IQGAP2: variants seen among roughly 807,000 people sequenced by gnomAD.
IQGAP2 encodes the protein IQ motif containing GTPase activating protein 2.
Under a neutral mutation model 201.3 loss-of-function variants are expected in IQGAP2, and 173 were observed. That is an observed-to-expected ratio of 0.86 (90% CI 0.76 to 0.98). The LOEUF (loss-of-function observed/expected upper bound fraction) is 0.98. Ranked by LOEUF, IQGAP2 falls within the 50% of genes least tolerant of loss-of-function variation. The pLI is 0.00. For missense variants in IQGAP2, 1,687 were observed against 1,864.8 expected, an observed-to-expected ratio of 0.90 and a Z score of 1.76; for synonymous variants, 675 against 673.9, an observed-to-expected ratio of 1.00 and a Z score of -0.03.
chr5:76,680,200 T>C (rs1376068813), intron 28 of IQGAP2, among the ~76,000 whole-genome samples: 2 of 152,228 alleles, frequency 1.3e-5, no homozygotes, highest in African/African-American at 2.4e-5. Flanking sequence ...ATCACATTTA[T>C]GGTTAATTCA....
chr5:76,681,512 G>T lies in IQGAP2; in HGVS notation c.3661-1603G>T, dbSNP rs1745290263. ...AAGGAGATACCACTCACACCCAGTAGGATGATTAATATCAAAATTTAAAAA... is the reference window on the plus strand; with the variant it reads ...AAGGAGATACCACTCACACCCAGTATGATGATTAATATCAAAATTTAAAAA... On this transcript the variant is annotated intron_variant, in intron 28 of 35. Transcript: ENST00000274364. Among the ~76,000 whole-genome samples, 3 of 150,468 alleles carry T rather than the reference G, an allele frequency of 2.0e-5. No individual in the cohort carries two copies. In the South Asian group the frequency reaches 6.3e-4, roughly 31 times the overall value.
At chr5:76,680,454 C>CAT (rs1554085003) in intron 28 of IQGAP2, among the ~76,000 whole-genome samples, 6 of 152,046 alleles carry the variant, frequency 3.9e-5, no homozygotes, top group Non-Finnish European at 8.8e-5. Context: ...TGACACCAAA[C>CAT]ACATAAGCAG....
At chr5:76,414,411 A>T (rs1751303822) in intron 1 of IQGAP2, among the ~76,000 whole-genome samples, 1 of 152,182 alleles carries the variant, frequency 6.6e-6, no homozygotes, top group Non-Finnish European at 1.5e-5. Flanking sequence ...AACTCTTAGG[A>T]AGTTTGTCCA....
chr5:76,445,487 G>A (rs546652434), intron 1 of IQGAP2, among the ~76,000 whole-genome samples: 25 of 144,446 alleles, frequency 1.7e-4, no homozygotes, highest in Admixed American at 3.4e-4. Flanking sequence ...TTTTTGAGAT[G>A]GAGTTTCGCT....
chr5:76,449,953 A>G (rs1471751982), intron 1 of IQGAP2, among the ~76,000 whole-genome samples: 1 of 152,222 alleles, frequency 6.6e-6, no homozygotes, highest in Admixed American at 6.5e-5. Flanking sequence ...TGGCTCTTGT[A>G]TAAAGTTCTT....
chr5:76,602,286 A>G (rs1426598241), intron 11 of IQGAP2, among the ~76,000 whole-genome samples: 2 of 152,210 alleles, frequency 1.3e-5, no homozygotes, highest in Admixed American at 6.5e-5. Context: ...AGAGTAGAAG[A>G]CAGACCCGGT....
chr5:76,665,303 C>G (rs897953190), intron 22 of IQGAP2, 128 bp downstream of exon 22: 1 of 770,258 alleles, frequency 1.3e-6, no homozygotes, highest in Admixed American at 2.5e-5. Context: ...TACTAAGTAC[C>G]AAGTGCTGTT....
At chr5:76,688,164 G>A (rs112112736) in intron 30 of IQGAP2, among the ~76,000 whole-genome samples, 3 of 152,044 alleles carry the variant, frequency 2.0e-5, no homozygotes, top group Non-Finnish European at 2.9e-5. Context: ...AACTAAAATC[G>A]GACAATGACT....
At chr5:76,618,022 A>G (rs1183610544) in intron 13 of IQGAP2, 8 of 1,614,092 alleles carry the variant, frequency 5.0e-6, no homozygotes, top group Non-Finnish European at 5.9e-6. Flanking sequence ...TTCAGTATGA[A>G]AAATGGCAGC....
Position 76,671,850 on chromosome 5 carries a change from A to T in IQGAP2, c.2935A>T (p.Asn979Tyr), listed in dbSNP as rs1379928107. ...VSFNRGARGQ[N>Y]TLRQLLAPVV... ...CTTCAATAGAGGTGCCCGGGGACAG[A>T]ACACCCTGCGCCAACTCCTGGCTCC... The change falls in exon 24 of 36, where the codon AAC (asparagine) becomes TAC (tyrosine). Residue 979 changes from asparagine (N) to tyrosine (Y), a missense_variant. By Grantham distance (143) the Asn-to-Tyr change is moderately radical (BLOSUM62 -2). Coordinates refer to ENST00000274364, the MANE Select transcript of IQGAP2 (RefSeq NM_006633.5). 1 of 1,614,108 alleles carries T rather than the reference A, an allele frequency of 6.2e-7. No homozygotes were observed. Among genetic ancestry groups the T allele is most frequent in the Admixed American group, 1.7e-5 (1 of 60,016 alleles).
rs72777510 is a variant in IQGAP2 at position 76,561,330 on chromosome 5, T to C, written c.147-1066T>C. On this transcript the variant is annotated intron_variant, in intron 2 of 35. Transcript: ENST00000274364. ...TTGTTGAACTTCTACAAGTTGTTGT[T>C]CAGAGCTACAAGCAGTTCAGACATA... Among the ~76,000 whole-genome samples the C allele has an allele frequency of 6.8e-3, 1,033 of 152,304 alleles. 10 individuals are homozygous for C. Among genetic ancestry groups the C allele is most frequent in the Middle Eastern group, 0.041 (12 of 294 alleles).
In IQGAP2 at chr5:76,655,107, T is replaced by C. The variant is rs189235088; in HGVS notation, c.2320+104T>C. 1,211 of 742,816 alleles carry C rather than the reference T, an allele frequency of 1.6e-3. 4 individuals carry two copies. The highest frequency in any genetic ancestry group is 2.2e-3 in the Non-Finnish European group (982 of 438,182). 46.0% of individuals were successfully genotyped at this position (742,816 alleles called of 1,614,324 possible). Reference sequence around the variant, plus strand: ...CAGAGGCTGCTCTAAGAACAGAGGATACCCATTGTTTCCAGTAGATTTTGA... The same window carrying C: ...CAGAGGCTGCTCTAAGAACAGAGGACACCCATTGTTTCCAGTAGATTTTGA... On this transcript the variant is annotated intron_variant, in intron 20 of 35. Coordinates refer to ENST00000274364, the MANE Select transcript of IQGAP2 (RefSeq NM_006633.5).
intron 34 of IQGAP2, 97 bp downstream of exon 34, chr5:76,701,310 A>G (rs1001606962): frequency 4.5e-6 from 5 of 1,101,990 alleles, no homozygotes; most frequent in Admixed American, 2.0e-5. Flanking sequence ...CTTAACCTCA[A>G]TTACTGATGG....
chr5:76,628,936 A>G (rs1750472270), intron 14 of IQGAP2, among the ~76,000 whole-genome samples: 2 of 152,226 alleles, frequency 1.3e-5, no homozygotes, highest in Admixed American at 6.5e-5. Flanking sequence ...TGTAATTTAG[A>G]CATTCAAATA....
At chr5:76,550,790 T>G (rs1196929038) in intron 2 of IQGAP2, among the ~76,000 whole-genome samples, 2 of 152,266 alleles carry the variant, frequency 1.3e-5, no homozygotes, top group Non-Finnish European at 2.9e-5. Flanking sequence ...TCTCTCTTTC[T>G]TTTCCCCACA....
At chr5:76,560,956 A>G (rs1249800006) in intron 2 of IQGAP2, among the ~76,000 whole-genome samples, 2 of 152,228 alleles carry the variant, frequency 1.3e-5, no homozygotes, top group Admixed American at 6.5e-5. Flanking sequence ...GATTAACAAC[A>G]GTAACTAATA....
chr5:76,453,950 G>A (rs928222885), intron 1 of IQGAP2, among the ~76,000 whole-genome samples: 2 of 152,018 alleles, frequency 1.3e-5, no homozygotes, highest in Non-Finnish European at 2.9e-5. Flanking sequence ...TTTTAAATTG[G>A]CCTTGGAAAC....
At chr5:76,491,325 A>C (rs1472641374) in intron 2 of IQGAP2, among the ~76,000 whole-genome samples, 1 of 152,130 alleles carries the variant, frequency 6.6e-6, no homozygotes, top group Non-Finnish European at 1.5e-5. Context: ...TTTTTCCCTC[A>C]TACTTCCTTT....
intron 33 of IQGAP2, among the ~76,000 whole-genome samples, chr5:76,700,229 G>A (rs150768745): frequency 6.6e-6 from 1 of 152,086 alleles, no homozygotes; most frequent in East Asian, 1.9e-4. Context: ...CTCTTATGTC[G>A]TGTGATCTTG....
Sources: gnomAD v4.1 joint callset for allele counts (sites outside exome capture counted in the v4.1 genomes callset) on GRCh38, gnomAD v4.1.1 for gene constraint, MANE v1.5 for transcripts, NCBI Gene and HGNC (gene_info 2026-07-23, HGNC 2026-07-21) for gene names.